CAMK4: variants seen among roughly 807,000 people sequenced by gnomAD.
CAMK4 encodes the protein calcium/calmodulin dependent protein kinase IV, also known as calcium/calmodulin-dependent protein kinase type IV.
Under a neutral mutation model 44.9 loss-of-function variants are expected in CAMK4, and 22 were observed. That is an observed-to-expected ratio of 0.49 (90% CI 0.35 to 0.70). CAMK4 has a LOEUF of 0.70. Ranked by LOEUF, CAMK4 falls within the 30% of genes least tolerant of loss-of-function variation. CAMK4 has a pLI of 0.01. For missense variants in CAMK4, 498 were observed against 586.8 expected (o/e 0.85, Z 1.56); for synonymous variants, 218 against 215.4 (o/e 1.01, Z -0.11).
intron 5 of CAMK4, among the ~76,000 whole-genome samples, chr5:111,432,203 C>G (rs1397853464): frequency 6.6e-6 from 1 of 152,022 alleles, no homozygotes; most frequent in Non-Finnish European, 1.5e-5. Flanking sequence ...TTATTTGCAA[C>G]AAGATGGATA....
At chr5:111,272,423 G>A (rs1423835957) in intron 1 of CAMK4, among the ~76,000 whole-genome samples, 1 of 151,990 alleles carries the variant, frequency 6.6e-6, no homozygotes, top group Non-Finnish European at 1.5e-5. Flanking sequence ...ATTTCCCAAG[G>A]ACATTATACT....
rs552514319 is a variant in CAMK4, at chr5:111,314,793, C to G, written c.162-29231C>G. 1.1e-4 allele frequency among the ~76,000 whole-genome samples: 17 copies of G among 152,096 alleles called. No homozygotes were observed. The East Asian group carries it at 3.3e-3, about 29-fold the overall frequency. On this transcript the variant is annotated intron_variant, in intron 1 of 10. Coordinates refer to ENST00000282356, the MANE Select transcript of CAMK4 (RefSeq NM_001744.6). ...GACAATCAATTACAAATGAAGAAAG[C>G]TGACATTTACCAATATGGGAGTTTT... is the stretch of plus-strand genomic sequence containing the variant.
chr5:111,308,856 T>C (rs1231763660), intron 1 of CAMK4, among the ~76,000 whole-genome samples: 2 of 152,244 alleles, frequency 1.3e-5, no homozygotes, highest in African/African-American at 4.8e-5. Flanking sequence ...TAAAATTACA[T>C]GTATTTAATT....
rs1750030089 is a variant in CAMK4, at chr5:111,350,094, A to G, written c.240+5992A>G. On this transcript the variant is annotated intron_variant, in intron 2 of 10. Transcript: ENST00000282356. Reference sequence around the variant, plus strand: ...GAGTTTAGGATTACTTCTGCTACTTACTGATTGTGTGACTTTAGAAGTTAT... The same window carrying G: ...GAGTTTAGGATTACTTCTGCTACTTGCTGATTGTGTGACTTTAGAAGTTAT... 2.6e-5 allele frequency among the ~76,000 whole-genome samples: 4 copies of G among 152,086 alleles called. No individual in the cohort carries two copies. The South Asian group carries it at 8.3e-4, about 32-fold the overall frequency.
At chr5:111,418,443 G>A (rs999222152) in intron 5 of CAMK4, among the ~76,000 whole-genome samples, 9 of 61,878 alleles carry the variant, frequency 1.5e-4, no homozygotes, top group African/African-American at 7.8e-4. Context: ...CAGGAGACAG[G>A]GATTTTTTTT....
At chr5:111,331,651 A>G (rs1212602520) in intron 1 of CAMK4, among the ~76,000 whole-genome samples, 4 of 151,580 alleles carry the variant, frequency 2.6e-5, no homozygotes, top group African/African-American at 9.7e-5. Flanking sequence ...CTCCTACAAG[A>G]CGGCTCCCCA....
At chr5:111,375,498 T>G (rs908249534) in intron 3 of CAMK4, among the ~76,000 whole-genome samples, 7 of 152,156 alleles carry the variant, frequency 4.6e-5, no homozygotes, top group Non-Finnish European at 5.9e-5. Flanking sequence ...TGCAAGTTAT[T>G]TTTATGAATT....
chr5:111,429,777 CAAAAAAAAAAAAAAAAAA>C (rs70973607), intron 5 of CAMK4, among the ~76,000 whole-genome samples: 14 of 26,356 alleles, frequency 5.3e-4, no homozygotes, highest in Admixed American at 3.1e-3. Context: ...GACCTCATCT[CAAAAAAAAAAAAAAAAAA>C]AAAAAAAAAA....
chr5:111,249,885 G>A (rs1364706308), intron 1 of CAMK4, among the ~76,000 whole-genome samples: 2 of 151,936 alleles, frequency 1.3e-5, no homozygotes, highest in Admixed American at 6.6e-5. Flanking sequence ...TTGCATACAG[G>A]AGGAGCAGCT....
intron 1 of CAMK4, among the ~76,000 whole-genome samples, chr5:111,342,584 CTT>C (rs1282747963): frequency 1.3e-5 from 2 of 150,822 alleles, no homozygotes; most frequent in Non-Finnish European, 3.0e-5. Context: ...CCAATCTGCT[CTT>C]TAAGTTTTAA....
chr5:111,407,127 G>A (rs1752463254), intron 5 of CAMK4, among the ~76,000 whole-genome samples: 2 of 152,130 alleles, frequency 1.3e-5, no homozygotes, highest in African/African-American at 2.4e-5. Context: ...GTCAAAGCAG[G>A]TGGATCACGA....
At chr5:111,364,820 A>C (rs1750729594) in intron 2 of CAMK4, 1 of 152,140 alleles carries the variant, frequency 6.6e-6, no homozygotes, top group South Asian at 2.1e-4. Flanking sequence ...AGACAAGCTT[A>C]TCTGATGATT....
chr5:111,242,702 G>A (rs540991797), intron 1 of CAMK4, among the ~76,000 whole-genome samples: 7 of 152,082 alleles, frequency 4.6e-5, no homozygotes, highest in African/African-American at 1.4e-4. Flanking sequence ...GCCGTCTTAC[G>A]CCCACCACTC....
chr5:111,320,777 A>G (rs1225043992), intron 1 of CAMK4, among the ~76,000 whole-genome samples: 5 of 152,194 alleles, frequency 3.3e-5, no homozygotes, highest in Admixed American at 3.3e-4. Context: ...AAGTGCTGGG[A>G]TTACAGGCAT....
intron 5 of CAMK4, among the ~76,000 whole-genome samples, chr5:111,427,590 A>G (rs1753273955): frequency 6.6e-6 from 1 of 152,222 alleles, no homozygotes; most frequent in African/African-American, 2.4e-5. Flanking sequence ...CCTTAAGGGA[A>G]CATTGGCAGT....
intron 5 of CAMK4, among the ~76,000 whole-genome samples, chr5:111,404,788 G>A (rs571109271): frequency 1.3e-5 from 2 of 152,216 alleles, no homozygotes; most frequent in East Asian, 3.9e-4. Flanking sequence ...GGGTCTCCTT[G>A]GCCAAAAGGA....
chr5:111,494,651 T>TA lies in CAMK4; in HGVS notation c.*10185_*10186insA. On this transcript the variant is annotated 3_prime_UTR_variant, in exon 11 of 11. Coordinates refer to ENST00000282356, the MANE Select transcript of CAMK4 (RefSeq NM_001744.6). ...CAATTCAGTAATTAAATATGTAAAT[T>TA]TTGGGGGGGGTTGGGGGGTGTTTTC... 1 of 142,930 alleles carries TA rather than the reference T, an allele frequency of 7.0e-6. No homozygotes were observed. Among genetic ancestry groups the TA allele is most frequent in the Admixed American group, 6.8e-5 (1 of 14,648 alleles). 8.9% of individuals were successfully genotyped at this position (142,930 alleles called of 1,614,324 possible).
Position 111,491,088 on chromosome 5 carries a change from T to A in CAMK4, c.*6622T>A, listed in dbSNP as rs1755811721. The stretch of plus-strand genomic sequence containing the variant: ...TCTTTGAGATACACACATTAAAACT[T>A]ATGTGCATATTTTTTTAAAGAGTAA... On this transcript the variant is annotated 3_prime_UTR_variant, in exon 11 of 11. Coordinates refer to ENST00000282356, the MANE Select transcript of CAMK4 (RefSeq NM_001744.6). 1 of 152,226 alleles carries A rather than the reference T, an allele frequency of 6.6e-6. No homozygotes were observed. Among genetic ancestry groups the A allele is most frequent in the Non-Finnish European group, 1.5e-5 (1 of 68,038 alleles). 9.4% of individuals were successfully genotyped at this position (152,226 alleles called of 1,614,324 possible).
At chr5:111,361,117 A>AGC (rs1750575035) in intron 2 of CAMK4, among the ~76,000 whole-genome samples, 1 of 152,078 alleles carries the variant, frequency 6.6e-6, no homozygotes, top group Non-Finnish European at 1.5e-5. Flanking sequence ...ATAGGCAGTG[A>AGC]GCTAAGCTTT....
Sources: gnomAD v4.1 joint callset for allele counts (sites outside exome capture counted in the v4.1 genomes callset) on GRCh38, gnomAD v4.1.1 for gene constraint, MANE v1.5 for transcripts, NCBI Gene and HGNC (gene_info 2026-07-23, HGNC 2026-07-21) for gene names.